The following FOCAD variants were observed in gnomAD, a reference collection of about 807,000 sequenced individuals.
FOCAD encodes the protein KIAA1797.
A neutral mutation model predicts 225.6 loss-of-function variants in FOCAD; 198 were observed. The observed-to-expected ratio is 0.88, with a 90% CI of 0.78 to 0.99. FOCAD has a LOEUF of 0.99. FOCAD is among the 50% of genes least tolerant of loss of function. The probability of loss-of-function intolerance (pLI) is 0.00; values close to 1 mark genes in which losing one functional copy is unlikely to be tolerated. For synonymous variants in FOCAD, 897 were observed against 755.0 expected, an observed-to-expected ratio of 1.19 and a Z score of -3.08; for missense variants, 2,713 against 2,123.6, an observed-to-expected ratio of 1.28 and a Z score of -5.46.
intron 1 of FOCAD, among the ~76,000 whole-genome samples, chr9:20,713,338 G>A (rs1327359560): frequency 2.0e-5 from 3 of 152,094 alleles, no homozygotes; most frequent in South Asian, 4.2e-4. Flanking sequence ...TTAGCTTAGG[G>A]CTTTTTCCTG....
At chr9:20,798,458 C>T (rs1344202762) in intron 11 of FOCAD, among the ~76,000 whole-genome samples, 1 of 152,158 alleles carries the variant, frequency 6.6e-6, no homozygotes, top group Non-Finnish European at 1.5e-5. Flanking sequence ...TAGAATTCGG[C>T]TGTGAATGCA....
rs1827118116 is a variant in FOCAD, at chr9:20,735,858, C to T, written c.288-4378C>T. On this transcript the variant is annotated intron_variant, in intron 4 of 43. Coordinates refer to ENST00000338382, the MANE Select transcript of FOCAD (RefSeq NM_001375567.1). ...GTTTTATCTTTAAAAAAAAAAATAACAGCTTATTGGGATATAATTCAAATA... is the reference window on the plus strand; with the variant it reads ...GTTTTATCTTTAAAAAAAAAAATAATAGCTTATTGGGATATAATTCAAATA... Among the ~76,000 whole-genome samples the T allele has an allele frequency of 1.3e-5, 2 of 149,016 alleles. 1 individual carries two copies. The highest frequency in any genetic ancestry group is 1.3e-4 in the Admixed American group (2 of 14,948).
chr9:20,981,821 A>G lies in FOCAD; in HGVS notation c.4638+135A>G, dbSNP rs371598873. On this transcript the variant is annotated intron_variant, in intron 38 of 43. Coordinates refer to ENST00000338382, the MANE Select transcript of FOCAD (RefSeq NM_001375567.1). Reference sequence around the variant, plus strand: ...GCAAGAAATAACCACATTCTTTACTAGGAGTGTATTTGTTTCCAAGATCTA... The same window carrying G: ...GCAAGAAATAACCACATTCTTTACTGGGAGTGTATTTGTTTCCAAGATCTA... 1.0e-5 allele frequency: 10 copies of G among 975,488 alleles called. No homozygotes were observed. In the African/African-American group the frequency reaches 1.1e-4, roughly 11 times the overall value. 60.4% of individuals were successfully genotyped at this position (975,488 alleles called of 1,614,324 possible). A position where few individuals can be genotyped will look rare whatever the true frequency, so the allele number is the denominator to read the frequency against.
At chr9:20,682,905 A>G (rs1280802803), upstream of FOCAD, among the ~76,000 whole-genome samples, 1 of 152,120 alleles carries the variant, frequency 6.6e-6, no homozygotes, top group Admixed American at 6.5e-5. Flanking sequence ...TGAGTAGAGT[A>G]GCCGTGACTG....
intron 8 of FOCAD, among the ~76,000 whole-genome samples, chr9:20,776,171 G>C (rs999387790): frequency 2.0e-5 from 3 of 152,190 alleles, no homozygotes; most frequent in Admixed American, 2.0e-4. Context: ...CCTTATGAAA[G>C]AAGGATCTGG....
chr9:20,717,359 A>G (rs1825421757), intron 2 of FOCAD, among the ~76,000 whole-genome samples: 1 of 152,226 alleles, frequency 6.6e-6, no homozygotes, highest in South Asian at 2.1e-4. Context: ...GATTGTTGCT[A>G]GCCTATTGGC....
At chr9:20,656,566 T>C (rs1038099386), upstream of FOCAD, among the ~76,000 whole-genome samples, 7 of 151,954 alleles carry the variant, frequency 4.6e-5, no homozygotes, top group African/African-American at 1.7e-4. Flanking sequence ...TTTGTTGGTT[T>C]AAAGTCTGTT....
At chr9:20,860,166 A>G (rs1828631372) in intron 15 of FOCAD, among the ~76,000 whole-genome samples, 1 of 152,174 alleles carries the variant, frequency 6.6e-6, no homozygotes, top group African/African-American at 2.4e-5. Context: ...TATAACTATA[A>G]TACAGTTATT....
intron 6 of FOCAD, among the ~76,000 whole-genome samples, chr9:20,760,754 C>A (rs1362384586): frequency 1.3e-5 from 2 of 152,088 alleles, no homozygotes; most frequent in African/African-American, 4.8e-5. Flanking sequence ...AGGGCAGGGA[C>A]TGTGTTTCAT....
intron 4 of FOCAD, among the ~76,000 whole-genome samples, chr9:20,726,034 C>T (rs1826169232): frequency 6.6e-6 from 1 of 151,966 alleles, no homozygotes; most frequent in African/African-American, 2.4e-5. Context: ...AAAAGAAACA[C>T]AGTAAGGAAA....
chr9:20,661,024 G>C (rs1232273098), intron 2 of FOCAD, among the ~76,000 whole-genome samples: 6 of 152,138 alleles, frequency 3.9e-5, no homozygotes, highest in South Asian at 2.1e-4. Context: ...TTAAGACAGA[G>C]AGGAATAATT....
chr9:20,762,011 C>T (rs1829648178), intron 6 of FOCAD, among the ~76,000 whole-genome samples: 1 of 152,072 alleles, frequency 6.6e-6, no homozygotes, highest in Admixed American at 6.6e-5. Flanking sequence ...AGTATATTGT[C>T]CTTAAGGAAG....
At chr9:20,762,039 A>G (rs548838530) in intron 6 of FOCAD, among the ~76,000 whole-genome samples, 1 of 152,328 alleles carries the variant, frequency 6.6e-6, no homozygotes, top group East Asian at 1.9e-4. Flanking sequence ...TTTGCTCCTG[A>G]TGTCAAATCA....
At chr9:20,987,112 G>A (rs988760649) in intron 40 of FOCAD, among the ~76,000 whole-genome samples, 1 of 152,198 alleles carries the variant, frequency 6.6e-6, no homozygotes, top group African/African-American at 2.4e-5. Flanking sequence ...AGGGGTAGAT[G>A]TGGCTGGGAA....
chr9:20,904,117 C>T (rs564320385), intron 21 of FOCAD, among the ~76,000 whole-genome samples: 6 of 152,008 alleles, frequency 3.9e-5, no homozygotes, highest in Admixed American at 6.6e-5. Flanking sequence ...AATAATATTT[C>T]ATTATATGCA....
At chr9:20,783,029 T>C (rs1819540919) in intron 10 of FOCAD, among the ~76,000 whole-genome samples, 1 of 152,200 alleles carries the variant, frequency 6.6e-6, no homozygotes, top group African/African-American at 2.4e-5. Flanking sequence ...GCTTTTTTAC[T>C]TTACCTCTTG....
At chr9:20,772,395 C>T (rs1232365714) in intron 8 of FOCAD, among the ~76,000 whole-genome samples, 1 of 152,078 alleles carries the variant, frequency 6.6e-6, no homozygotes, top group Non-Finnish European at 1.5e-5. Flanking sequence ...GACTGGGTGA[C>T]AGGGCTTGTG....
intron 15 of FOCAD, among the ~76,000 whole-genome samples, chr9:20,835,925 G>A (rs757181257): frequency 6.6e-6 from 1 of 152,088 alleles, no homozygotes; most frequent in South Asian, 2.1e-4. Flanking sequence ...CTTTCCTGGG[G>A]ATTCTTGACC....
intron 15 of FOCAD, among the ~76,000 whole-genome samples, chr9:20,845,441 C>CTA (rs1375298178): frequency 4.2e-5 from 2 of 48,020 alleles, no homozygotes; most frequent in Non-Finnish European, 8.9e-5. Flanking sequence ...ATCTTTTCCT[C>CTA]GATATATATA....
Sources: gnomAD v4.1 joint callset for allele counts (sites outside exome capture counted in the v4.1 genomes callset) on GRCh38, gnomAD v4.1.1 for gene constraint, MANE v1.5 for transcripts, NCBI Gene and HGNC (gene_info 2026-07-23, HGNC 2026-07-21) for gene names.